The following TTC28 variants were observed in gnomAD, a reference collection of about 807,000 sequenced individuals.
TTC28 encodes tetratricopeptide repeat domain 28.
A neutral mutation model predicts 198.0 loss-of-function variants in TTC28; 61 were observed. The observed-to-expected ratio is 0.31, with a 90% confidence interval of 0.25 to 0.38. The LOEUF (loss-of-function observed/expected upper bound fraction) is 0.38, where lower values mean the gene tolerates loss of function less well. Among genes scored for constraint, TTC28 ranks in the 10% least tolerant of loss-of-function variants. The pLI is 1.00. For missense variants in TTC28, 2,678 were observed against 3,164.0 expected (o/e 0.85, Z 3.69); for synonymous variants, 1,171 against 1,297.8 (o/e 0.90, Z 2.10).
rs1937685744 is a variant in TTC28, at chr22:28,001,404, A to G, written c.4368T>C (p.Pro1456=). The G allele has an allele frequency of 6.4e-7, 1 of 1,551,212 alleles. No individual in the cohort carries two copies. The highest frequency in any genetic ancestry group is 8.7e-7 in the Non-Finnish European group (1 of 1,146,764). Residue 1456 remains proline (P), a synonymous_variant, in exon 15 of 23, where the codon CCT becomes CCC. Coordinates refer to ENST00000397906, the MANE Select transcript of TTC28 (RefSeq NM_001145418.2). ...LYERFGLLAV[P]SIRSLSVQSK... is the part of the protein sequence containing the mutation. ...ACTGCACGCTGAGGGAGCGGATGGA[A>G]GGGACAGCAAGGAGGCCGAAGCGCT...
intron 5 of TTC28, among the ~76,000 whole-genome samples, chr22:28,192,563 C>A (rs1197974653): frequency 1.3e-5 from 2 of 152,074 alleles, no homozygotes; most frequent in East Asian, 3.9e-4. Flanking sequence ...GGATGAATGG[C>A]TAACTAGAAT....
At chr22:28,217,708 AC>A (rs1355050747) in intron 5 of TTC28, among the ~76,000 whole-genome samples, 1 of 152,222 alleles carries the variant, frequency 6.6e-6, no homozygotes, top group Non-Finnish European at 1.5e-5. Flanking sequence ...TCATTTATAT[AC>A]TTAATAAGTA....
At chr22:28,348,958 T>TA (rs1475531331) in intron 2 of TTC28, among the ~76,000 whole-genome samples, 1 of 152,180 alleles carries the variant, frequency 6.6e-6, no homozygotes, top group Non-Finnish European at 1.5e-5. Flanking sequence ...ACTGATGAAC[T>TA]AAATGCCCAC....
At chr22:28,642,711 A>G (rs1176097961) in intron 1 of TTC28, among the ~76,000 whole-genome samples, 1 of 152,226 alleles carries the variant, frequency 6.6e-6, no homozygotes, top group Non-Finnish European at 1.5e-5. Context: ...AACAGCAAAG[A>G]GGTCAGTGTG....
intron 2 of TTC28, among the ~76,000 whole-genome samples, chr22:28,357,477 A>AT (rs1299543320): frequency 1.3e-5 from 2 of 151,708 alleles, no homozygotes; most frequent in Non-Finnish European, 2.9e-5. Context: ...CATCAGGCCA[A>AT]TTTTTTAACT....
chr22:28,552,774 CCCCTCCCCCTCT>C (rs1601556351), intron 2 of TTC28, among the ~76,000 whole-genome samples: 3 of 144,962 alleles, frequency 2.1e-5, no homozygotes, highest in Non-Finnish European at 4.6e-5. Flanking sequence ...CCTCCCCCTC[CCCCTCCCCCTCT>C]CCCCACGGTC....
intron 2 of TTC28, among the ~76,000 whole-genome samples, chr22:28,586,451 C>G (rs1487469350): frequency 4.6e-5 from 7 of 151,672 alleles, no homozygotes; most frequent in African/African-American, 1.7e-4. Flanking sequence ...ACCGATGGGG[C>G]AAGACTCCAT....
At position 28,163,517 on chromosome 22, in the gene TTC28, T is replaced by A. The variant is rs1475141451; in HGVS notation, c.1016A>T (p.Gln339Leu). Residue 339 changes from glutamine to leucine, a missense_variant, in exon 6 of 23, where the codon CAG (glutamine) becomes CTG (leucine). Gln to Leu is a moderately radical substitution (Grantham distance 113). Coordinates refer to ENST00000397906, the MANE Select transcript of TTC28 (RefSeq NM_001145418.2). ...GGATTGCTTGGCAAGAAGAACACACTGTTTGTGACTGGCCAGTGCATTGGG... is the reference window on the plus strand; with the variant it reads ...GGATTGCTTGGCAAGAAGAACACACAGTTTGTGACTGGCCAGTGCATTGGG... ...DYPNALASHK[Q>L]CVLLAKQSKD... 1 of 1,551,718 alleles carries A rather than the reference T, an allele frequency of 6.4e-7. No individual in the cohort carries two copies. Among genetic ancestry groups the A allele is most frequent in the Non-Finnish European group, 8.7e-7 (1 of 1,147,002 alleles).
At chr22:28,092,371 G>A (rs1941839946) in intron 12 of TTC28, among the ~76,000 whole-genome samples, 1 of 152,144 alleles carries the variant, frequency 6.6e-6, no homozygotes, top group Non-Finnish European at 1.5e-5. Flanking sequence ...CTTATACACA[G>A]TGAGCACTCA....
intron 5 of TTC28, among the ~76,000 whole-genome samples, chr22:28,205,473 G>A (rs1926325259): frequency 6.6e-6 from 1 of 151,750 alleles, no homozygotes; most frequent in South Asian, 2.1e-4. Flanking sequence ...CATACTCCAG[G>A]GTCAAGTTGA....
At position 28,107,524 on chromosome 22, in the gene TTC28, A is replaced by C. The variant is rs1484112754; in HGVS notation, c.2321T>G (p.Leu774Arg). Residue 774 changes from leucine (L) to arginine (R), a missense_variant, in exon 7 of 23, where the codon CTG (leucine) becomes CGG (arginine). Transcript: ENST00000397906. ...YRMIQKYDKA[L>R]GYHTQELEVY... is the part of the protein sequence containing the mutation. ...CTCCAGTTCCTGTGTGTGATAACCC[A>C]GGGCCTTGTCATACTTCTGGATCAT... is the stretch of plus-strand genomic sequence containing the variant. 3.2e-6 allele frequency: 5 copies of C among 1,551,850 alleles called. No homozygotes were observed. The East Asian group carries it at 1.2e-4, about 38-fold the overall frequency.
intron 12 of TTC28, among the ~76,000 whole-genome samples, chr22:28,072,497 C>T (rs1334317608): frequency 1.3e-5 from 2 of 152,124 alleles, no homozygotes; most frequent in African/African-American, 2.4e-5. Context: ...CATTAGGGTG[C>T]TATGTATTGT....
intron 2 of TTC28, among the ~76,000 whole-genome samples, chr22:28,335,305 T>C (rs1056582713): frequency 5.3e-5 from 8 of 152,208 alleles, no homozygotes; most frequent in South Asian, 4.1e-4. Context: ...TCCAGCTTTG[T>C]TCTTTTGGCT....
At chr22:28,035,080 C>T (rs1490319466) in intron 12 of TTC28, among the ~76,000 whole-genome samples, 1 of 152,208 alleles carries the variant, frequency 6.6e-6, no homozygotes, top group Non-Finnish European at 1.5e-5. Flanking sequence ...TCCAAGAACA[C>T]GCTTGCTCCC....
intron 2 of TTC28, among the ~76,000 whole-genome samples, chr22:28,555,210 T>G (rs1176076170): frequency 2.0e-5 from 3 of 152,178 alleles, no homozygotes; most frequent in Admixed American, 6.5e-5. Context: ...TTGGCATGGA[T>G]GTAGTGAAAA....
chr22:28,146,221 A>T (rs2147001486), intron 6 of TTC28, among the ~76,000 whole-genome samples: 1 of 152,358 alleles, frequency 6.6e-6, no homozygotes, highest in South Asian at 2.1e-4. Flanking sequence ...ATCAGCACTG[A>T]AATCCAGTAG....
intron 2 of TTC28, among the ~76,000 whole-genome samples, chr22:28,523,498 T>C (rs2146435449): frequency 6.6e-6 from 1 of 152,314 alleles, no homozygotes; most frequent in African/African-American, 2.4e-5. Context: ...GTCAGAGCTC[T>C]AGTCTGCTCT....
intron 2 of TTC28, among the ~76,000 whole-genome samples, chr22:28,565,984 A>C (rs1382750168): frequency 6.6e-6 from 1 of 152,200 alleles, no homozygotes; most frequent in Non-Finnish European, 1.5e-5. Context: ...AGTTTTGCCT[A>C]GCTCCACATG....
intron 2 of TTC28, among the ~76,000 whole-genome samples, chr22:28,482,024 C>A (rs1189147829): frequency 1.3e-5 from 2 of 152,142 alleles, no homozygotes; most frequent in Non-Finnish European, 2.9e-5. Context: ...CATCAGCTAT[C>A]TTATTCTGCT....
Sources: allele counts gnomAD v4.1 joint callset (sites outside exome capture counted in the v4.1 genomes callset), GRCh38; gene constraint gnomAD v4.1.1; transcripts MANE v1.5; gene names NCBI Gene and HGNC (gene_info 2026-07-23, HGNC 2026-07-21).